The following ZDHHC14 variants were observed in gnomAD, a reference collection of about 807,000 sequenced individuals.
ZDHHC14 encodes zDHHC palmitoyltransferase 14.
ZDHHC14 carries 16 observed loss-of-function variants against 47.7 expected under a neutral mutation model. That is an observed-to-expected ratio of 0.34 (90% CI 0.23 to 0.51). ZDHHC14 has a LOEUF of 0.51. Among genes scored for constraint, ZDHHC14 ranks in the 20% least tolerant of loss-of-function variants. The pLI is 0.97. For missense variants in ZDHHC14, 515 were observed against 662.5 expected, an observed-to-expected ratio of 0.78 and a Z score of 2.44; for synonymous variants, 293 against 278.9, an observed-to-expected ratio of 1.05 and a Z score of -0.50.
At chr6:157,592,369 T>A (rs372314146) in intron 2 of ZDHHC14, among the ~76,000 whole-genome samples, 1 of 152,218 alleles carries the variant, frequency 6.6e-6, no homozygotes, top group South Asian at 2.1e-4. Flanking sequence ...TTAAAATGTA[T>A]TTTTTACAAT....
At chr6:157,578,041 TTG>T (rs201111546) in intron 2 of ZDHHC14, among the ~76,000 whole-genome samples, 372 of 149,670 alleles carry the variant, frequency 2.5e-3, no homozygotes, top group African/African-American at 6.9e-3. Context: ...TTTAATGGGG[TTG>T]TTTTTTTTTC....
Position 157,427,373 on chromosome 6 carries a change from G to C in ZDHHC14, c.245+45107G>C, listed in dbSNP as rs1467556934. ...AATAGGAAGGGAAAGTGTCTACAGAGATGCGCAGGATGCAGGGCCCCGAGG... is the reference window on the plus strand; with the variant it reads ...AATAGGAAGGGAAAGTGTCTACAGACATGCGCAGGATGCAGGGCCCCGAGG... On this transcript the variant is annotated intron_variant, in intron 1 of 8. Coordinates refer to ENST00000359775, the MANE Select transcript of ZDHHC14 (RefSeq NM_024630.3). This position sits in a 1 kb window ranked among gnomAD's most constrained non-coding sequence, Gnocchi z 4.4. Among the ~76,000 whole-genome samples the C allele has an allele frequency of 6.6e-6, 1 of 152,176 alleles. No homozygotes were observed. Among genetic ancestry groups the C allele is most frequent in the Non-Finnish European group, 1.5e-5 (1 of 68,034 alleles).
intron 2 of ZDHHC14, among the ~76,000 whole-genome samples, chr6:157,558,110 T>G (rs1281472864): frequency 1.3e-5 from 2 of 152,218 alleles, no homozygotes; most frequent in African/African-American, 4.8e-5. Flanking sequence ...TAAAGATATT[T>G]AAAGTATTGA....
chr6:157,435,109 C>A (rs1432631547), intron 1 of ZDHHC14, among the ~76,000 whole-genome samples: 2 of 152,224 alleles, frequency 1.3e-5, no homozygotes, highest in African/African-American at 4.8e-5. Context: ...CATAGCAGTT[C>A]CTCGGGGGTT....
rs956513271 is a variant in ZDHHC14, at chr6:157,427,066, G to A, written c.245+44800G>A. Among the ~76,000 whole-genome samples the A allele has an allele frequency of 2.0e-5, 3 of 152,108 alleles. No homozygotes were observed. Among genetic ancestry groups the A allele is most frequent in the African/African-American group, 7.2e-5 (3 of 41,416 alleles). The stretch of plus-strand genomic sequence containing the variant: ...AGGAGGAGAGGCACGGTGCGAGCTG[G>A]GGTGGCAGGGGAGCAAGGGCCCCAG... On this transcript the variant is annotated intron_variant, in intron 1 of 8. Coordinates refer to ENST00000359775, the MANE Select transcript of ZDHHC14 (RefSeq NM_024630.3). The surrounding 1 kb of genome is among the most constrained non-coding windows in gnomAD (Gnocchi z 4.4).
chr6:157,569,989 G>T (rs1402452388), intron 2 of ZDHHC14, among the ~76,000 whole-genome samples: 2 of 151,946 alleles, frequency 1.3e-5, no homozygotes, highest in African/African-American at 4.8e-5. Context: ...TTGATTAGAG[G>T]CAAAAAAGAA....
At chr6:157,531,294 C>G (rs1307043961) in intron 1 of ZDHHC14, among the ~76,000 whole-genome samples, 1 of 152,180 alleles carries the variant, frequency 6.6e-6, no homozygotes, top group African/African-American at 2.4e-5. Flanking sequence ...CGCCCCTGCC[C>G]CCCCCGGACA....
intron 1 of ZDHHC14, among the ~76,000 whole-genome samples, chr6:157,511,331 T>A (rs1218476399): frequency 6.6e-5 from 10 of 152,170 alleles, no homozygotes; most frequent in Non-Finnish European, 1.5e-5. Flanking sequence ...CCAATCATTC[T>A]GTTCAGAGTG....
chr6:157,389,494 ATTG>A (rs71819947), intron 1 of ZDHHC14, among the ~76,000 whole-genome samples: 2,657 of 152,238 alleles, frequency 0.017, 65 homozygotes, highest in African/African-American at 0.061. Flanking sequence ...TTGTCCCAAT[ATTG>A]TTGGGTGTAT....
intron 2 of ZDHHC14, among the ~76,000 whole-genome samples, chr6:157,546,569 C>T (rs767370521): frequency 1.3e-5 from 2 of 152,054 alleles, no homozygotes; most frequent in Non-Finnish European, 2.9e-5. Context: ...AGAATGTTCC[C>T]GATGACTTAG....
chr6:157,482,931 T>A (rs1182651610), intron 1 of ZDHHC14, among the ~76,000 whole-genome samples: 3 of 151,892 alleles, frequency 2.0e-5, no homozygotes, highest in African/African-American at 4.8e-5. Flanking sequence ...TTGGTAGAGA[T>A]GGGGATTTCA....
chr6:157,458,079 C>T (rs1328379931), intron 1 of ZDHHC14, among the ~76,000 whole-genome samples: 1 of 152,222 alleles, frequency 6.6e-6, no homozygotes, highest in African/African-American at 2.4e-5. Context: ...GGATATGCCT[C>T]CTCTTTCTGC....
At chr6:157,642,562 G>A (rs937474188) in intron 5 of ZDHHC14, among the ~76,000 whole-genome samples, 1 of 152,192 alleles carries the variant, frequency 6.6e-6, no homozygotes, top group Non-Finnish European at 1.5e-5. Context: ...GGCCACAACG[G>A]GGACAAACTT....
At chr6:157,389,719 T>C (rs1378487948) in intron 1 of ZDHHC14, among the ~76,000 whole-genome samples, 3 of 152,208 alleles carry the variant, frequency 2.0e-5, no homozygotes, top group Non-Finnish European at 4.4e-5. Flanking sequence ...AATAATAGTA[T>C]TATTCTTCAC....
chr6:157,437,597 T>G (rs1778466612), intron 1 of ZDHHC14, among the ~76,000 whole-genome samples: 1 of 152,194 alleles, frequency 6.6e-6, no homozygotes, highest in Non-Finnish European at 1.5e-5. Flanking sequence ...AGACCCCAAT[T>G]AAAGAATCCT....
At chr6:157,595,817 C>A (rs1784105825) in intron 3 of ZDHHC14, among the ~76,000 whole-genome samples, 1 of 152,178 alleles carries the variant, frequency 6.6e-6, no homozygotes, top group African/African-American at 2.4e-5. Flanking sequence ...CAGGCCTCCA[C>A]CTTTCTGGTA....
intron 1 of ZDHHC14, among the ~76,000 whole-genome samples, chr6:157,517,148 T>C (rs1202106158): frequency 6.6e-6 from 1 of 152,114 alleles, no homozygotes; most frequent in Non-Finnish European, 1.5e-5. Context: ...GGAATCTTTG[T>C]TGCGTTGAAT....
chr6:157,484,327 ACG>A (rs1779715846), intron 1 of ZDHHC14, among the ~76,000 whole-genome samples: 2 of 105,680 alleles, frequency 1.9e-5, no homozygotes, highest in African/African-American at 3.8e-5. Flanking sequence ...ACATATATAT[ACG>A]TATATATACA....
At chr6:157,464,068 C>T (rs559494853) in intron 1 of ZDHHC14, among the ~76,000 whole-genome samples, 1 of 152,168 alleles carries the variant, frequency 6.6e-6, no homozygotes, top group South Asian at 2.1e-4. Flanking sequence ...AATGATGAAA[C>T]TTTTAAAAGT....
Sources: allele counts gnomAD v4.1 joint callset (sites outside exome capture counted in the v4.1 genomes callset), GRCh38; gene constraint gnomAD v4.1.1; non-coding constraint Gnocchi (gnomAD v3.1); transcripts MANE v1.5; gene names NCBI Gene and HGNC (gene_info 2026-07-23, HGNC 2026-07-21).